The following TENT5D variants were observed in gnomAD, a reference collection of about 807,000 sequenced individuals.
The protein encoded by TENT5D is cancer/testis antigen 112.
For synonymous variants in TENT5D, 103 were observed against 100.6 expected (o/e 1.02, Z -0.15); for missense variants, 191 against 287.0 (o/e 0.67, Z 2.42).
intron 3 of TENT5D, among the ~76,000 whole-genome samples, chrX:80,373,674 A>G: frequency 9.0e-6 from 1 of 111,090 alleles, no homozygotes; most frequent in Non-Finnish European, 1.9e-5. Context: ...GATCTCCCAT[A>G]TATATTTAGT....
chrX:80,413,805 C>T (rs1447388808), intron 3 of TENT5D, among the ~76,000 whole-genome samples: 1 of 111,659 alleles, frequency 9.0e-6, no homozygotes, highest in Non-Finnish European at 1.9e-5. Context: ...TTGGAGCTTT[C>T]CTTTGGATTT....
At chrX:80,354,677 A>G (rs1018367932) in intron 3 of TENT5D, among the ~76,000 whole-genome samples, 2 of 111,818 alleles carry the variant, frequency 1.8e-5, no homozygotes, top group Non-Finnish European at 3.8e-5. Context: ...TATGCCTGTC[A>G]TTTCATCCAT....
At chrX:80,392,451 G>C (rs1931147191) in intron 3 of TENT5D, among the ~76,000 whole-genome samples, 1 of 91,870 alleles carries the variant, frequency 1.1e-5, no homozygotes, top group Non-Finnish European at 2.2e-5. Flanking sequence ...GATCTTACTT[G>C]GTTTCAAATT....
chrX:80,335,984 T>C, intron 2 of TENT5D, among the ~76,000 whole-genome samples: 1 of 109,564 alleles, frequency 9.1e-6, no homozygotes, highest in East Asian at 2.9e-4. Context: ...TACTAGATAG[T>C]AGTTGGCGTT....
chrX:80,355,984 A>AG (rs1341597090), intron 3 of TENT5D, among the ~76,000 whole-genome samples: 1 of 112,216 alleles, frequency 8.9e-6, no homozygotes, highest in Non-Finnish European at 1.9e-5. Flanking sequence ...GCCAAGGCAG[A>AG]GCCACCTGGT....
chrX:80,368,577 A>T (rs1930556454), intron 3 of TENT5D, among the ~76,000 whole-genome samples: 1 of 111,936 alleles, frequency 8.9e-6, no homozygotes, highest in African/African-American at 3.2e-5. Context: ...TTTAAATTTT[A>T]TGTATATCTT....
At chrX:80,390,272 G>A (rs1045985766) in intron 3 of TENT5D, among the ~76,000 whole-genome samples, 1 of 111,311 alleles carries the variant, frequency 9.0e-6, no homozygotes, top group Non-Finnish European at 1.9e-5. Context: ...TATAATAATT[G>A]TCTAGGAAAG....
chrX:80,428,463 C>T (rs956881194), intron 1 of TENT5D, among the ~76,000 whole-genome samples: 1 of 112,462 alleles, frequency 8.9e-6, no homozygotes, highest in African/African-American at 3.2e-5. Flanking sequence ...TTGAGCTGCA[C>T]CTTGAGCCTT....
chrX:80,344,120 G>T (rs1246775258), intron 3 of TENT5D, among the ~76,000 whole-genome samples: 1 of 110,313 alleles, frequency 9.1e-6, no homozygotes, highest in Non-Finnish European at 1.9e-5. Flanking sequence ...TGCTGCAAAT[G>T]ACATGATTTT....
At chrX:80,378,050 G>A (rs1041741661) in intron 3 of TENT5D, among the ~76,000 whole-genome samples, 2 of 111,944 alleles carry the variant, frequency 1.8e-5, no homozygotes, top group African/African-American at 6.5e-5. Context: ...AGAAGTGTCT[G>A]TTCATATCCT....
chrX:80,426,526 G>T (rs1602220893), intron 1 of TENT5D, among the ~76,000 whole-genome samples: 2 of 111,386 alleles, frequency 1.8e-5, no homozygotes, highest in Admixed American at 1.9e-4. Flanking sequence ...TTACTGAAAA[G>T]AAAACCTTGT....
In TENT5D at chrX:80,414,280, G is replaced by C. The variant is rs774502585; in HGVS notation, c.-141-24330G>C. Among the ~76,000 whole-genome samples, 5 of 111,722 alleles carry C rather than the reference G, an allele frequency of 4.5e-5. No individual in the cohort carries two copies. In the East Asian group the frequency reaches 1.4e-3, roughly 32 times the overall value. ...GATTCTCTGGAGGGGGAGCTTCCAG[G>C]CCTCAGAAAATTGTCCTATTGGTTT... On this transcript the variant is annotated intron_variant, in intron 3 of 4. Coordinates refer to the TENT5D transcript ENST00000538312.
chrX:80,397,942 TGGGAGAGGGCGAGGGAGGGAGA>T (rs1931315193), intron 3 of TENT5D, among the ~76,000 whole-genome samples: 1 of 109,254 alleles, frequency 9.2e-6, no homozygotes, highest in Non-Finnish European at 1.9e-5. Flanking sequence ...ACGGAGACCG[TGGGAGAGGGCGAGGGAGGGAGA>T]GGGAGAGGGA....
At chrX:80,387,903 A>G (rs1931051619) in intron 3 of TENT5D, among the ~76,000 whole-genome samples, 1 of 110,808 alleles carries the variant, frequency 9.0e-6, no homozygotes, top group South Asian at 3.8e-4. Flanking sequence ...AATATATTCT[A>G]TTCTGTATTC....
chrX:80,379,905 C>A (rs1312149355), intron 3 of TENT5D, among the ~76,000 whole-genome samples: 1 of 108,326 alleles, frequency 9.2e-6, no homozygotes, highest in Admixed American at 1.0e-4. Flanking sequence ...TTTCAAAAAA[C>A]CGGCTCCTGG....
chrX:80,397,041 C>T (rs1347464886), intron 3 of TENT5D, among the ~76,000 whole-genome samples: 1 of 95,091 alleles, frequency 1.1e-5, no homozygotes, highest in Non-Finnish European at 2.1e-5. Flanking sequence ...TGACCCCCAC[C>T]TCCCTCCCAG....
intron 3 of TENT5D, among the ~76,000 whole-genome samples, chrX:80,404,763 A>G (rs1255564169): frequency 8.9e-6 from 1 of 112,198 alleles, no homozygotes; most frequent in Non-Finnish European, 1.9e-5. Flanking sequence ...TGTCCTTTTT[A>G]GATGCAGGAG....
rs184034000 is a variant in TENT5D at position 80,415,026 on chromosome X, C to T, written c.-141-23584C>T. The stretch of plus-strand genomic sequence containing the variant: ...TTTTACCTCCCTGCTTAGATGTATT[C>T]CCAGGTATTTTATTCCTTTTGTGGC... On this transcript the variant is annotated intron_variant, in intron 3 of 4. Transcript: ENST00000538312. 2.7e-5 allele frequency among the ~76,000 whole-genome samples: 3 copies of T among 111,666 alleles called. No individual in the cohort carries two copies. The East Asian group carries it at 8.5e-4, about 31-fold the overall frequency.
At chrX:80,349,275 T>C (rs373625483) in intron 3 of TENT5D, among the ~76,000 whole-genome samples, 4 of 111,688 alleles carry the variant, frequency 3.6e-5, no homozygotes, top group African/African-American at 1.3e-4. Flanking sequence ...TCGGCTGTTA[T>C]TCTGTCTGGT....
Sources: allele counts gnomAD v4.1 joint callset (sites outside exome capture counted in the v4.1 genomes callset), GRCh38; gene constraint gnomAD v4.1.1; transcripts MANE v1.5; gene names NCBI Gene and HGNC (gene_info 2026-07-23, HGNC 2026-07-21).